The following NUMB variants were observed in gnomAD, a reference collection of about 807,000 sequenced individuals.
NUMB encodes the protein protein numb homolog.
Under a neutral mutation model 59.7 loss-of-function variants are expected in NUMB, and 29 were observed. The ratio of observed to expected loss-of-function variants is 0.49; its 90% CI spans 0.36 to 0.66. The LOEUF is 0.66. Ranked by LOEUF, NUMB falls within the 30% of genes least tolerant of loss-of-function variation. The pLI is 0.00. For synonymous variants in NUMB, 288 were observed against 288.2 expected, an observed-to-expected ratio of 1.00 and a Z score of 0.01; for missense variants, 723 against 822.0, an observed-to-expected ratio of 0.88 and a Z score of 1.47.
At chr14:73,322,439 A>G (rs1891453850) in intron 5 of NUMB, among the ~76,000 whole-genome samples, 1 of 152,186 alleles carries the variant, frequency 6.6e-6, no homozygotes, top group African/African-American at 2.4e-5. Flanking sequence ...GTTTATGTAA[A>G]AGGCAGTAGA....
intron 2 of NUMB, among the ~76,000 whole-genome samples, chr14:73,406,828 A>G (rs1896693794): frequency 6.6e-6 from 1 of 151,972 alleles, no homozygotes; most frequent in African/African-American, 2.4e-5. Context: ...TTTGATTTGC[A>G]TTTCTCTGAT....
At chr14:73,282,634 G>T in intron 10 of NUMB, 129 bp from the exon 11 acceptor site, 1 of 971,826 alleles carries the variant, frequency 1.0e-6, no homozygotes, top group Non-Finnish European at 1.4e-6. Flanking sequence ...TTAACTGTAT[G>T]GCAGGGCTAC....
chr14:73,445,189 CA>C (rs1883384607), intron 1 of NUMB, among the ~76,000 whole-genome samples: 2 of 151,042 alleles, frequency 1.3e-5, no homozygotes, highest in African/African-American at 4.9e-5. Context: ...CCCAACACTA[CA>C]AAAAAAGTTA....
In NUMB at chr14:73,386,287, T is replaced by C. The variant is rs1009784888; in HGVS notation, c.-100-19306A>G. 8.5e-5 allele frequency among the ~76,000 whole-genome samples: 13 copies of C among 152,168 alleles called. 1 individual carries two copies. The highest frequency in any genetic ancestry group is 8.8e-5 in the Non-Finnish European group (6 of 68,040). On this transcript the variant is annotated intron_variant, in intron 2 of 12. Coordinates refer to ENST00000555238, the MANE Select transcript of NUMB (RefSeq NM_001005743.2). Reference sequence around the variant, plus strand: ...CTTCTGTATTTCAAAAACCTTCAAATTGCAACAGATATATAGCTTTTAATT... The same window carrying C: ...CTTCTGTATTTCAAAAACCTTCAAACTGCAACAGATATATAGCTTTTAATT...
At position 73,276,468 on chromosome 14, in the gene NUMB, G is replaced by C. The variant is rs549384821; in HGVS notation, c.*110C>G. 1.3e-6 allele frequency: 1 copy of C among 790,124 alleles called. No individual in the cohort carries two copies. Among genetic ancestry groups the C allele is most frequent in the South Asian group, 1.9e-5 (1 of 54,004 alleles). 48.9% of individuals were successfully genotyped at this position (790,124 alleles called of 1,614,324 possible). ...CCTGGACTTGTTCCTTGGGACCTTTGGGATTAGTGAAAAGAGTACTAATCA... is the reference window on the plus strand; with the variant it reads ...CCTGGACTTGTTCCTTGGGACCTTTCGGATTAGTGAAAAGAGTACTAATCA... On this transcript the variant is annotated 3_prime_UTR_variant, in exon 13 of 13. Coordinates refer to ENST00000555238, the MANE Select transcript of NUMB (RefSeq NM_001005743.2).
At chr14:73,409,843 A>G (rs1465077480) in intron 2 of NUMB, 94 bp downstream of exon 2, 2 of 152,258 alleles carry the variant, frequency 1.3e-5, no homozygotes, top group East Asian at 1.9e-4. Context: ...ATATTTGTAA[A>G]GGCAATAAAA....
intron 2 of NUMB, among the ~76,000 whole-genome samples, chr14:73,392,638 C>CGAA (rs1383765760): frequency 6.6e-6 from 1 of 152,196 alleles, no homozygotes; most frequent in Non-Finnish European, 1.5e-5. Flanking sequence ...ACACAGATCT[C>CGAA]TAAGTCTAGC....
At chr14:73,315,057 ATT>A (rs1319037944) in intron 6 of NUMB, among the ~76,000 whole-genome samples, 1 of 152,138 alleles carries the variant, frequency 6.6e-6, no homozygotes, top group African/African-American at 2.4e-5. Context: ...TGGGTAAATT[ATT>A]TGACTTTTTA....
At chr14:73,423,990 A>AC (rs1897471098) in intron 1 of NUMB, among the ~76,000 whole-genome samples, 1 of 142,266 alleles carries the variant, frequency 7.0e-6, no homozygotes, top group Non-Finnish European at 1.5e-5. Flanking sequence ...AAAAAAAAAG[A>AC]CTCTTGATCT....
chr14:73,290,672 T>C (rs903494398), intron 8 of NUMB, among the ~76,000 whole-genome samples: 5 of 152,216 alleles, frequency 3.3e-5, no homozygotes, highest in Non-Finnish European at 4.4e-5. Context: ...GTCTCGACAC[T>C]TGCTGTACAT....
intron 4 of NUMB, among the ~76,000 whole-genome samples, chr14:73,349,355 AG>A (rs1893076994): frequency 6.6e-6 from 1 of 152,162 alleles, no homozygotes; most frequent in African/African-American, 2.4e-5. Flanking sequence ...TGGGAGGCCA[AG>A]GTGGGCGGAT....
chr14:73,287,692 T>C (rs1318887746), intron 8 of NUMB, among the ~76,000 whole-genome samples: 1 of 152,204 alleles, frequency 6.6e-6, no homozygotes, highest in Non-Finnish European at 1.5e-5. Context: ...TGTCTGTTTT[T>C]ATGAAAGCAA....
At chr14:73,307,477 C>T (rs1225111262) in intron 6 of NUMB, among the ~76,000 whole-genome samples, 1 of 151,724 alleles carries the variant, frequency 6.6e-6, no homozygotes, top group African/African-American at 2.4e-5. Context: ...GATGTGCGTT[C>T]CAGACTAGAG....
At chr14:73,386,033 G>A (rs1265448023) in intron 2 of NUMB, among the ~76,000 whole-genome samples, 1 of 152,064 alleles carries the variant, frequency 6.6e-6, no homozygotes, top group African/African-American at 2.4e-5. Context: ...ATATTACCAT[G>A]AAAGTCCTAG....
intron 5 of NUMB, among the ~76,000 whole-genome samples, chr14:73,320,645 G>GT (rs1245527336): frequency 6.6e-6 from 1 of 152,164 alleles, no homozygotes; most frequent in African/African-American, 2.4e-5. Context: ...TATGGTTATT[G>GT]TAAGACTCAA....
chr14:73,413,273 G>A (rs1896975253), intron 1 of NUMB, among the ~76,000 whole-genome samples: 1 of 150,884 alleles, frequency 6.6e-6, no homozygotes, highest in African/African-American at 2.4e-5. Flanking sequence ...TTTTAGTAGA[G>A]ACAGGGTTTC....
chr14:73,387,412 G>T (rs976803726), intron 2 of NUMB, among the ~76,000 whole-genome samples: 1 of 152,116 alleles, frequency 6.6e-6, no homozygotes, highest in African/African-American at 2.4e-5. Flanking sequence ...GTAGAGAAAA[G>T]GATAAGAAAG....
At chr14:73,383,604 T>C (rs1186118819) in intron 2 of NUMB, among the ~76,000 whole-genome samples, 1 of 152,150 alleles carries the variant, frequency 6.6e-6, no homozygotes, top group African/African-American at 2.4e-5. Context: ...CTACAGATCC[T>C]AGAGGATCTC....
intron 1 of NUMB, among the ~76,000 whole-genome samples, chr14:73,437,896 GA>G (rs144801308): frequency 0.051 from 7,830 of 152,182 alleles, 651 homozygotes; most frequent in African/African-American, 0.18. Context: ...CCAAGAACAG[GA>G]ATAAGCAACT....
Sources: gnomAD v4.1 joint callset for allele counts (sites outside exome capture counted in the v4.1 genomes callset) on GRCh38, gnomAD v4.1.1 for gene constraint, MANE v1.5 for transcripts, NCBI Gene and HGNC (gene_info 2026-07-23, HGNC 2026-07-21) for gene names.